Variants in DACH1 observed in about 807,000 individuals in gnomAD.
The protein encoded by DACH1 is dachshund family transcription factor 1.
A neutral mutation model predicts 54.2 loss-of-function variants in DACH1; 12 were observed. The observed-to-expected ratio is 0.22, with a 90% CI of 0.14 to 0.36. The LOEUF is 0.36. Ranked by LOEUF, DACH1 falls within the 10% of genes least tolerant of loss-of-function variation. DACH1 has a pLI of 1.00. For synonymous variants in DACH1, 386 were observed against 366.2 expected (o/e 1.05, Z -0.62); for missense variants, 805 against 929.8 (o/e 0.87, Z 1.75).
rs141066554 is a variant in DACH1 at position 71,854,042 on chromosome 13, A to G, written c.848+11880T>C. 1.4e-3 allele frequency among the ~76,000 whole-genome samples: 210 copies of G among 152,228 alleles called. 1 individual carries two copies. Among genetic ancestry groups the G allele is most frequent in the African/African-American group, 4.5e-3 (187 of 41,558 alleles). ...GTGAAAAACAAACAGCATTCCTGTC[A>G]TGGGCCCTTATTTAACCCACTCTCC... On this transcript the variant is annotated intron_variant, in intron 1 of 10. Transcript: ENST00000613252.
intron 2 of DACH1, among the ~76,000 whole-genome samples, chr13:71,663,544 T>C: frequency 6.6e-6 from 1 of 151,958 alleles, no homozygotes; most frequent in Non-Finnish European, 1.5e-5. Context: ...AATGTGCTAC[T>C]GGAGCACTGA....
At chr13:71,445,167 T>G (rs1012081267) in intron 10 of DACH1, among the ~76,000 whole-genome samples, 11 of 152,120 alleles carry the variant, frequency 7.2e-5, no homozygotes, top group Non-Finnish European at 1.6e-4. Context: ...AAAGTTTTAG[T>G]GTGGCCTCAA....
intron 6 of DACH1, among the ~76,000 whole-genome samples, chr13:71,508,908 TACC>T (rs1171794756): frequency 6.6e-6 from 1 of 152,212 alleles, no homozygotes; most frequent in African/African-American, 2.4e-5. Context: ...CTCGCAGTGA[TACC>T]ACCATCTTTG....
At chr13:71,468,611 G>A (rs1876799911) in intron 10 of DACH1, among the ~76,000 whole-genome samples, 1 of 152,194 alleles carries the variant, frequency 6.6e-6, no homozygotes, top group Admixed American at 6.5e-5. Flanking sequence ...TGCTGTTAAA[G>A]TATGAAAGTC....
At chr13:71,745,993 G>A (rs1489977098) in intron 1 of DACH1, among the ~76,000 whole-genome samples, 1 of 152,162 alleles carries the variant, frequency 6.6e-6, no homozygotes, top group Non-Finnish European at 1.5e-5. Flanking sequence ...GCCAACGCGG[G>A]TGGATCACGA....
At chr13:71,485,575 C>CTTTTTTT (rs68024614) in intron 7 of DACH1, among the ~76,000 whole-genome samples, 689 of 45,822 alleles carry the variant, frequency 0.015, no homozygotes, top group Middle Eastern at 0.036. Context: ...TTCTTTTCTT[C>CTTTTTTT]TTTTTTTTTT....
intron 3 of DACH1, among the ~76,000 whole-genome samples, chr13:71,623,097 T>C (rs930141583): frequency 3.3e-5 from 5 of 151,802 alleles, no homozygotes; most frequent in African/African-American, 1.2e-4. Context: ...TTATTACATA[T>C]AGAAATGGAT....
At chr13:71,793,028 C>A (rs1886897597) in intron 1 of DACH1, among the ~76,000 whole-genome samples, 1 of 152,132 alleles carries the variant, frequency 6.6e-6, no homozygotes, top group African/African-American at 2.4e-5. Flanking sequence ...TCTTTCAATT[C>A]AACTAAATTC....
rs866495522 is a variant in DACH1 at position 71,858,837 on chromosome 13, C to T, written c.848+7085G>A. Among the ~76,000 whole-genome samples the T allele has an allele frequency of 1.2e-4, 18 of 151,596 alleles. No individual in the cohort carries two copies. The Middle Eastern group carries it at 0.014, about 115-fold the overall frequency. ...TTCCAGGTATTGTATTCAACCTGTA[C>T]GGTACATTATTATAGATACTTCAGT... On this transcript the variant is annotated intron_variant, in intron 1 of 10. Coordinates refer to ENST00000613252, the MANE Select transcript of DACH1 (RefSeq NM_080759.6).
chr13:71,721,746 C>T (rs1883237831), intron 1 of DACH1, among the ~76,000 whole-genome samples: 2 of 152,024 alleles, frequency 1.3e-5, no homozygotes, highest in African/African-American at 4.8e-5. Context: ...ATTAAGAAAT[C>T]CTCATATCAT....
rs562988356 is a variant in DACH1, at chr13:71,621,708, A to G, written c.1126+8848T>C. Among the ~76,000 whole-genome samples the G allele has an allele frequency of 2.0e-5, 3 of 152,170 alleles. No homozygotes were observed. The South Asian group carries it at 6.2e-4, about 32-fold the overall frequency. ...CCTTGAAAATCAACACTCTTTGCTT[A>G]TCATGCTGTGAAATACAAATAGAGC... On this transcript the variant is annotated intron_variant, in intron 3 of 10. Coordinates refer to ENST00000613252, the MANE Select transcript of DACH1 (RefSeq NM_080759.6).
In DACH1 at chr13:71,735,305, T is replaced by TAC. The variant is rs1403511689; in HGVS notation, c.849-53396_849-53395insGT. 1.6e-4 allele frequency among the ~76,000 whole-genome samples: 11 copies of TAC among 68,818 alleles called. 4 individuals carry two copies. Among genetic ancestry groups the TAC allele is most frequent in the African/African-American group, 4.9e-4 (11 of 22,404 alleles). The allele number at this position is 68,818 out of a possible 152,430, so 45.1% of individuals were successfully genotyped here. The stretch of plus-strand genomic sequence containing the variant: ...ATATGGGATATACACGTATACGGGA[T>TAC]ATACGTGTATATGGGATATACACGT... On this transcript the variant is annotated intron_variant, in intron 1 of 10. Coordinates refer to ENST00000613252, the MANE Select transcript of DACH1 (RefSeq NM_080759.6).
intron 2 of DACH1, among the ~76,000 whole-genome samples, chr13:71,674,168 C>A (rs1395631093): frequency 6.6e-6 from 1 of 152,096 alleles, no homozygotes; most frequent in Non-Finnish European, 1.5e-5. Context: ...ATAAAATAGG[C>A]CAAAATCTTC....
intron 6 of DACH1, among the ~76,000 whole-genome samples, chr13:71,514,103 T>C (rs980296429): frequency 2.0e-5 from 3 of 152,058 alleles, no homozygotes; most frequent in Non-Finnish European, 4.4e-5. Flanking sequence ...AAAGTCCATT[T>C]GAATAATTTA....
intron 1 of DACH1, among the ~76,000 whole-genome samples, chr13:71,715,726 A>G (rs1279241388): frequency 6.6e-6 from 1 of 151,932 alleles, no homozygotes; most frequent in African/African-American, 2.4e-5. Flanking sequence ...GACAACTTTC[A>G]GTCTCGGGGA....
chr13:71,530,099 T>G (rs917642463), intron 6 of DACH1, among the ~76,000 whole-genome samples: 10 of 152,092 alleles, frequency 6.6e-5, no homozygotes, highest in African/African-American at 2.2e-4. Flanking sequence ...ACACTGAAGA[T>G]AGAAAATGAA....
At chr13:71,855,450 A>G (rs892825476) in intron 1 of DACH1, among the ~76,000 whole-genome samples, 5 of 152,032 alleles carry the variant, frequency 3.3e-5, no homozygotes. Flanking sequence ...CTGTCAAACA[A>G]GTAGAGATGC....
intron 1 of DACH1, among the ~76,000 whole-genome samples, chr13:71,791,616 T>A (rs1285355407): frequency 6.6e-6 from 1 of 152,158 alleles, no homozygotes; most frequent in East Asian, 1.9e-4. Flanking sequence ...ACTTCTGACC[T>A]CGGGTGATCC....
intron 3 of DACH1, among the ~76,000 whole-genome samples, chr13:71,586,098 A>G (rs1873239001): frequency 6.6e-6 from 1 of 152,108 alleles, no homozygotes; most frequent in Non-Finnish European, 1.5e-5. Flanking sequence ...TTTTTAATTA[A>G]GAAAAAACTA....
Sources: gnomAD v4.1 joint callset for allele counts (sites outside exome capture counted in the v4.1 genomes callset) on GRCh38, gnomAD v4.1.1 for gene constraint, MANE v1.5 for transcripts, NCBI Gene and HGNC (gene_info 2026-07-23, HGNC 2026-07-21) for gene names.